The following UBASH3B variants were observed in gnomAD, a reference collection of about 807,000 sequenced individuals.
UBASH3B encodes ubiquitin-associated and SH3 domain-containing protein B.
A neutral mutation model predicts 83.4 loss-of-function variants in UBASH3B; 37 were observed. That is an observed-to-expected ratio of 0.44 (90% CI 0.34 to 0.58). The LOEUF (loss-of-function observed/expected upper bound fraction) is 0.58, where lower values mean the gene tolerates loss of function less well. Ranked by LOEUF, UBASH3B falls within the 20% of genes least tolerant of loss-of-function variation. The pLI is 0.01. For missense variants in UBASH3B, 657 were observed against 827.2 expected (o/e 0.79, Z 2.52); for synonymous variants, 304 against 318.3 (o/e 0.96, Z 0.48).
intron 1 of UBASH3B, among the ~76,000 whole-genome samples, chr11:122,671,986 G>A (rs1270588377): frequency 3.3e-5 from 5 of 152,012 alleles, no homozygotes; most frequent in Admixed American, 3.3e-4. Context: ...CCCCAGAATG[G>A]GTTGTCCTGG....
chr11:122,685,679 G>T (rs1863800173), intron 1 of UBASH3B, among the ~76,000 whole-genome samples: 1 of 152,208 alleles, frequency 6.6e-6, no homozygotes, highest in African/African-American at 2.4e-5. Flanking sequence ...ACAATGCCCA[G>T]CTAATTTTTT....
intron 1 of UBASH3B, among the ~76,000 whole-genome samples, chr11:122,730,674 C>A (rs1860828570): frequency 1.3e-5 from 2 of 151,646 alleles, no homozygotes; most frequent in South Asian, 4.2e-4. Context: ...CGGCTCATTG[C>A]AACCTCTGCC....
At chr11:122,797,061 A>G (rs756250856) in intron 9 of UBASH3B, 28 bp downstream of exon 9, 44 of 1,559,824 alleles carry the variant, frequency 2.8e-5, no homozygotes, top group Non-Finnish European at 1.2e-5. Flanking sequence ...ACTGCACTCC[A>G]GGCATTTCTT....
At position 122,777,099 on chromosome 11, in the gene UBASH3B, C is replaced by T. The variant is rs370730856; in HGVS notation, c.291C>T (p.Thr97=). The T allele has an allele frequency of 6.1e-5, 99 of 1,613,954 alleles. No individual in the cohort carries two copies. Among genetic ancestry groups the T allele is most frequent in the Middle Eastern group, 4.9e-4 (3 of 6,082 alleles). Residue 97 remains threonine, a synonymous_variant, in exon 3 of 14, where the codon ACC becomes ACT. Transcript: ENST00000284273. ...AGTACGTCCTCTACCTCCGTCCCAC[C>T]GGCCCCTTAGCACAGAAGCTTTCCG... ...PREYVLYLRP[T]GPLAQKLSDF... is the part of the protein sequence containing the mutation.
intron 1 of UBASH3B, among the ~76,000 whole-genome samples, chr11:122,694,363 C>G (rs940702706): frequency 1.3e-5 from 2 of 151,918 alleles, no homozygotes; most frequent in East Asian, 3.9e-4. Context: ...ACATTTTCTT[C>G]AAAAGTTATT....
At position 122,770,759 on chromosome 11, in the gene UBASH3B, A is replaced by AC. The variant is rs72512150; in HGVS notation, c.162-5459dup. Reference sequence around the variant, plus strand: ...CATTCAGAGAGTGTCTCCACCACCCACTAAATATTCAAGCTGCAGTGCCAG... The same window carrying AC: ...CATTCAGAGAGTGTCTCCACCACCCACCTAAATATTCAAGCTGCAGTGCCAG... On this transcript the variant is annotated intron_variant, in intron 1 of 13. Coordinates refer to ENST00000284273, the MANE Select transcript of UBASH3B (RefSeq NM_032873.5). Among the ~76,000 whole-genome samples, 3 of 9,672 alleles carry AC rather than the reference A, an allele frequency of 3.1e-4. No homozygotes were observed. In the African/African-American group the frequency reaches 4.3e-3, roughly 14 times the overall value. The allele number at this position is 9,672 out of a possible 152,430, so 6.3% of individuals were successfully genotyped here.
chr11:122,783,030 G>A (rs1194307600), intron 4 of UBASH3B, 23 bp from the exon 5 acceptor site: 8 of 1,605,656 alleles, frequency 5.0e-6, no homozygotes, highest in Middle Eastern at 3.3e-4. Flanking sequence ...TTTAATTACT[G>A]ACCTTTTTCT....
chr11:122,770,785 A>G (rs941368172), intron 1 of UBASH3B, among the ~76,000 whole-genome samples: 7 of 152,070 alleles, frequency 4.6e-5, no homozygotes, highest in African/African-American at 1.7e-4. Context: ...GCAGTGCCAG[A>G]TCAGTCTCAG....
At chr11:122,731,629 T>C (rs927383082) in intron 1 of UBASH3B, among the ~76,000 whole-genome samples, 92 of 152,206 alleles carry the variant, frequency 6.0e-4, no homozygotes, top group Non-Finnish European at 1.1e-3. Flanking sequence ...GGATGATTCA[T>C]GTCCCTAGTG....
intron 1 of UBASH3B, among the ~76,000 whole-genome samples, chr11:122,706,113 T>C (rs1280647286): frequency 3.7e-5 from 5 of 136,676 alleles, no homozygotes; most frequent in Non-Finnish European, 6.1e-5. Flanking sequence ...TTTCTTTTTT[T>C]TTTTTTCTTT....
chr11:122,745,900 A>G (rs774335302), intron 1 of UBASH3B, among the ~76,000 whole-genome samples: 7 of 152,234 alleles, frequency 4.6e-5, no homozygotes, highest in Non-Finnish European at 1.0e-4. Context: ...GGGAGCACGT[A>G]TATCACAGCA....
intron 1 of UBASH3B, among the ~76,000 whole-genome samples, chr11:122,705,473 A>G (rs1470139892): frequency 1.3e-5 from 2 of 151,196 alleles, no homozygotes; most frequent in African/African-American, 4.9e-5. Flanking sequence ...AAAAAAAAAG[A>G]AAAAAAGAAA....
At chr11:122,726,078 T>C (rs947670684) in intron 1 of UBASH3B, 1 of 152,236 alleles carries the variant, frequency 6.6e-6, no homozygotes, top group Admixed American at 6.5e-5. Context: ...AACAAAATGA[T>C]AGGAAGGTTT....
intron 1 of UBASH3B, among the ~76,000 whole-genome samples, chr11:122,657,299 A>T: frequency 6.7e-6 from 1 of 150,170 alleles, no homozygotes; most frequent in East Asian, 2.0e-4. Context: ...AACTTTATTT[A>T]TGTATTTATT....
intron 1 of UBASH3B, among the ~76,000 whole-genome samples, chr11:122,676,115 T>A (rs1195291763): frequency 6.6e-6 from 1 of 152,090 alleles, no homozygotes; most frequent in South Asian, 2.1e-4. Context: ...ATTAAAAAAA[T>A]TTTTGGCTGG....
At chr11:122,747,491 C>T (rs1861137732) in intron 1 of UBASH3B, among the ~76,000 whole-genome samples, 2 of 152,110 alleles carry the variant, frequency 1.3e-5, no homozygotes, top group Non-Finnish European at 2.9e-5. Context: ...CACCAGAGTC[C>T]TGGGGAGTGT....
chr11:122,678,172 A>G (rs1189155066), intron 1 of UBASH3B, among the ~76,000 whole-genome samples: 1 of 152,214 alleles, frequency 6.6e-6, no homozygotes, highest in Non-Finnish European at 1.5e-5. Context: ...ATCATATTAA[A>G]GGTTAGGGCT....
chr11:122,721,593 C>CT (rs1860639671), intron 1 of UBASH3B, among the ~76,000 whole-genome samples: 3 of 152,176 alleles, frequency 2.0e-5, no homozygotes, highest in Non-Finnish European at 4.4e-5. Context: ...CTTTAAAAGT[C>CT]CTTAATCCAG....
intron 1 of UBASH3B, among the ~76,000 whole-genome samples, chr11:122,662,961 C>T (rs1016866012): frequency 1.4e-5 from 2 of 148,040 alleles, no homozygotes; most frequent in South Asian, 2.1e-4. Flanking sequence ...TTCCCTCTTA[C>T]GCGCTAATGT....
Sources: allele counts gnomAD v4.1 joint callset (sites outside exome capture counted in the v4.1 genomes callset), GRCh38; gene constraint gnomAD v4.1.1; transcripts MANE v1.5; gene names NCBI Gene and HGNC (gene_info 2026-07-23, HGNC 2026-07-21).